Variants in TXLNB observed in about 807,000 individuals in gnomAD.
TXLNB encodes the protein taxilin beta, also known as beta-taxilin.
TXLNB carries 37 observed loss-of-function variants against 57.4 expected under a neutral mutation model. The ratio of observed to expected loss-of-function variants is 0.64; its 90% CI spans 0.50 to 0.85. The LOEUF is 0.85. TXLNB is among the 40% of genes least tolerant of loss of function. The pLI is 0.00. For synonymous variants in TXLNB, 302 were observed against 309.6 expected, an observed-to-expected ratio of 0.98 and a Z score of 0.26; for missense variants, 848 against 825.6, an observed-to-expected ratio of 1.03 and a Z score of -0.33.
the TXLNB span, among the ~76,000 whole-genome samples, chr6:139,316,084 A>G: frequency 6.6e-6 from 1 of 152,252 alleles, no homozygotes; most frequent in Non-Finnish European, 1.5e-5. Context: ...GAATATACAG[A>G]GAAGAATGTA....
chr6:139,209,623 A>G, the TXLNB span, among the ~76,000 whole-genome samples: 1 of 152,182 alleles, frequency 6.6e-6, no homozygotes, highest in South Asian at 2.1e-4. Context: ...GGGAAAGGAT[A>G]CCCTATTCAA....
At chr6:139,322,444 C>G in the TXLNB span, among the ~76,000 whole-genome samples, 1 of 152,146 alleles carries the variant, frequency 6.6e-6, no homozygotes. Context: ...ATTATTAATC[C>G]ATTCATAAAA....
In TXLNB at chr6:139,266,275, T is replaced by A. The variant is rs1776612687; in HGVS notation, c.688-3502A>T. Among the ~76,000 whole-genome samples the A allele has an allele frequency of 2.0e-5, 3 of 152,198 alleles. 1 individual carries two copies. Among genetic ancestry groups the A allele is most frequent in the Admixed American group, 2.0e-4 (3 of 15,278 alleles). ...TTAGAGAAGGCTTTTTCTACAATGC[T>A]GCAAATGTGGAATTAGCAGACAAGT... On this transcript the variant is annotated intron_variant, in intron 4 of 9. Coordinates refer to ENST00000358430, the MANE Select transcript of TXLNB (RefSeq NM_153235.4).
chr6:139,203,124 C>T, the TXLNB span, among the ~76,000 whole-genome samples: 1 of 152,194 alleles, frequency 6.6e-6, no homozygotes, highest in African/African-American at 2.4e-5. Flanking sequence ...TAGGTTGATT[C>T]CATGTATTGT....
intron 7 of TXLNB, 24 bp downstream of exon 7, chr6:139,255,540 C>T (rs748074347): frequency 2.1e-5 from 34 of 1,608,836 alleles, no homozygotes; most frequent in Non-Finnish European, 2.5e-5. Context: ...ACAGCACCCC[C>T]ATGCCTCGTC....
the TXLNB span, among the ~76,000 whole-genome samples, chr6:139,302,794 A>G: frequency 2.6e-5 from 4 of 152,028 alleles, no homozygotes; most frequent in African/African-American, 9.7e-5. Context: ...TGAAAAAAAG[A>G]AAAAAGAAAA....
the TXLNB span, chr6:139,176,872 G>T: frequency 7.1e-4 from 566 of 795,166 alleles, 3 homozygotes; most frequent in Admixed American, 6.8e-4. The surrounding 1 kb of genome is among the most constrained non-coding windows in gnomAD (Gnocchi z 4.5). Context: ...CAGCATTTTG[G>T]TTTGGATGAC....
chr6:139,287,744 G>A (rs917357082), intron 2 of TXLNB, among the ~76,000 whole-genome samples: 3 of 152,212 alleles, frequency 2.0e-5, no homozygotes, highest in African/African-American at 7.2e-5. Context: ...TTCACTCATA[G>A]TTTTAAAAAT....
chr6:139,276,401 C>CTT (rs1776897055), intron 3 of TXLNB, among the ~76,000 whole-genome samples: 1 of 152,064 alleles, frequency 6.6e-6, no homozygotes, highest in African/African-American at 2.4e-5. Flanking sequence ...TTTATTTTAC[C>CTT]TTTTTCTCAA....
At chr6:139,296,041 C>T (rs547206049), upstream of TXLNB, among the ~76,000 whole-genome samples, 2 of 152,200 alleles carry the variant, frequency 1.3e-5, no homozygotes, top group Non-Finnish European at 2.9e-5. Context: ...TTGACCCCCC[C>T]CTCCTCCAGC....
chr6:139,258,541 G>A (rs1160926979), intron 6 of TXLNB, among the ~76,000 whole-genome samples: 1 of 152,140 alleles, frequency 6.6e-6, no homozygotes, highest in Non-Finnish European at 1.5e-5. Context: ...ATTATCCAAT[G>A]TCCACCAGAT....
chr6:139,288,902 T>C lies in TXLNB; in HGVS notation c.-3A>G. On this transcript the variant is annotated 5_prime_UTR_variant, in exon 2 of 10. Coordinates refer to ENST00000358430, the MANE Select transcript of TXLNB (RefSeq NM_153235.4). The stretch of plus-strand genomic sequence containing the variant: ...TGTTCAGAGTGATTAGCCTCCATCT[T>C]GGGAGTAGTATCTAGTGGTAAGCAC... 3 of 1,610,386 alleles carry C rather than the reference T, an allele frequency of 1.9e-6. No homozygotes were observed. Among genetic ancestry groups the C allele is most frequent in the Non-Finnish European group, 2.5e-6 (3 of 1,177,472 alleles).
chr6:139,301,574 C>G, the TXLNB span, among the ~76,000 whole-genome samples: 1 of 152,094 alleles, frequency 6.6e-6, no homozygotes, highest in African/African-American at 2.4e-5. Context: ...GATGGGATCA[C>G]TAAGTCTTCC....
the TXLNB span, chr6:139,201,600 T>C: frequency 6.6e-6 from 1 of 152,224 alleles, no homozygotes. Flanking sequence ...TGCAAGTAAA[T>C]GCCAATTAAA....
At chr6:139,174,213 C>A in the TXLNB span, among the ~76,000 whole-genome samples, 1 of 152,198 alleles carries the variant, frequency 6.6e-6, no homozygotes, top group Non-Finnish European at 1.5e-5. Context: ...GCTAGTAATT[C>A]ATCATTATCC....
chr6:139,278,986 AAACG>A (rs1031060512), intron 2 of TXLNB, among the ~76,000 whole-genome samples: 24 of 152,338 alleles, frequency 1.6e-4, no homozygotes, highest in African/African-American at 4.6e-4. Flanking sequence ...TGCAAAAAAC[AAACG>A]AACAAATAAA....
downstream of TXLNB, among the ~76,000 whole-genome samples, chr6:139,237,714 C>G (rs963516957): frequency 2.0e-5 from 3 of 151,928 alleles, no homozygotes; most frequent in Non-Finnish European, 4.4e-5. Context: ...CATCAACTGA[C>G]TGTCAGTTCT....
intron 1 of TXLNB, among the ~76,000 whole-genome samples, chr6:139,290,391 A>C (rs1777278121): frequency 6.6e-6 from 1 of 152,224 alleles, no homozygotes. Context: ...AAAACTAAAC[A>C]AAACAAAAGC....
chr6:139,265,019 T>C (rs1020816171), intron 4 of TXLNB, among the ~76,000 whole-genome samples: 4 of 152,204 alleles, frequency 2.6e-5, no homozygotes, highest in Non-Finnish European at 5.9e-5. Flanking sequence ...GTCAATAAAA[T>C]TGAGGGATGA....
Sources: allele counts gnomAD v4.1 joint callset (sites outside exome capture counted in the v4.1 genomes callset), GRCh38; gene constraint gnomAD v4.1.1; non-coding constraint Gnocchi (gnomAD v3.1); transcripts MANE v1.5; gene names NCBI Gene and HGNC (gene_info 2026-07-23, HGNC 2026-07-21).